PPARA: variants seen among roughly 807,000 people sequenced by gnomAD.
PPARA encodes peroxisome proliferator activated receptor alpha.
Under a neutral mutation model 42.2 loss-of-function variants are expected in PPARA, and 22 were observed. The observed-to-expected ratio is 0.52, with a 90% CI of 0.37 to 0.74. PPARA has a LOEUF of 0.74. Among genes scored for constraint, PPARA ranks in the 30% least tolerant of loss-of-function variants. The pLI is 0.00. For missense variants in PPARA, 465 were observed against 608.2 expected (o/e 0.76, Z 2.48); for synonymous variants, 242 against 239.3 (o/e 1.01, Z -0.10).
rs1022231523 is a variant in PPARA, at chr22:46,239,395, C to G, written c.*4015C>G. The G allele has an allele frequency of 2.6e-5, 4 of 151,728 alleles. No individual in the cohort carries two copies. Among genetic ancestry groups the G allele is most frequent in the Non-Finnish European group, 5.9e-5 (4 of 68,002 alleles). 9.4% of individuals were successfully genotyped at this position (151,728 alleles called of 1,614,324 possible). A position where few individuals can be genotyped will look rare whatever the true frequency, so the allele number is the denominator to read the frequency against. ...GGCCCTGCAAAAGGCCATGCTAGAG[C>G]TGAGGCGCACAGCCTGTGGCCTCTG... On this transcript the variant is annotated 3_prime_UTR_variant, in exon 9 of 9. Transcript: ENST00000407236.
At position 46,162,020 on chromosome 22, in the gene PPARA, C is replaced by T. The variant is rs1400410391; in HGVS notation, c.-127+10050C>T. 1.3e-5 allele frequency among the ~76,000 whole-genome samples: 2 copies of T among 152,154 alleles called. No homozygotes were observed. Among genetic ancestry groups the T allele is most frequent in the Non-Finnish European group, 2.9e-5 (2 of 68,022 alleles). On this transcript the variant is annotated intron_variant, in intron 2 of 8. Transcript: ENST00000407236. This position sits in a 1 kb window ranked among gnomAD's most constrained non-coding sequence, Gnocchi z 6.0. The stretch of plus-strand genomic sequence containing the variant: ...GCGTTTTCCCCTCCCCTCACCCTGG[C>T]GACCCTTTTCGGTCTCAGTTGCCAG...
intron 3 of PPARA, among the ~76,000 whole-genome samples, chr22:46,178,737 C>T (rs1448698878): frequency 1.3e-5 from 2 of 152,070 alleles, no homozygotes; most frequent in Non-Finnish European, 2.9e-5. Context: ...AGGAATGGTG[C>T]CTGATACTCA....
chr22:46,220,644 T>A (rs1218681521), intron 7 of PPARA: 5 of 144,276 alleles, frequency 3.5e-5, no homozygotes, highest in Non-Finnish European at 6.1e-5. Context: ...TAACTGGATT[T>A]AAAAAAAAAA....
At chr22:46,229,101 C>T (rs62226989) in intron 7 of PPARA, among the ~76,000 whole-genome samples, 5,094 of 128,084 alleles carry the variant, frequency 0.04, 141 homozygotes, top group Non-Finnish European at 0.051. Flanking sequence ...AGCGAGACTC[C>T]ATCTCAAAAA....
intron 5 of PPARA, among the ~76,000 whole-genome samples, chr22:46,217,781 C>A (rs976878800): frequency 4.1e-5 from 6 of 147,966 alleles, no homozygotes; most frequent in Non-Finnish European, 5.9e-5. Flanking sequence ...CTGTATTTGT[C>A]CTAATCATTC....
rs1312638073 is a variant in PPARA, at chr22:46,173,208, C to T, written c.-126-3545C>T. On this transcript the variant is annotated intron_variant, in intron 2 of 8. Transcript: ENST00000407236. This position sits in a 1 kb window ranked among gnomAD's most constrained non-coding sequence, Gnocchi z 4.3. ...GTAGATGTTGTGGCTGTTCTTTTCA[C>T]TCTCTTATTTGGGGATTTACAAAAC... Among the ~76,000 whole-genome samples the T allele has an allele frequency of 6.6e-6, 1 of 152,174 alleles. No homozygotes were observed. Among genetic ancestry groups the T allele is most frequent in the African/African-American group, 2.4e-5 (1 of 41,438 alleles).
chr22:46,166,708 C>T (rs1182766973), intron 2 of PPARA, among the ~76,000 whole-genome samples: 1 of 151,446 alleles, frequency 6.6e-6, no homozygotes, highest in Non-Finnish European at 1.5e-5. Context: ...CTGTAATCTA[C>T]AAAACACTGC....
rs971405840 is a variant in PPARA at position 46,216,413 on chromosome 22, A to C, written c.369+1080A>C. On this transcript the variant is annotated intron_variant, in intron 5 of 8. Transcript: ENST00000407236. The surrounding 1 kb of genome is among the most constrained non-coding windows in gnomAD (Gnocchi z 4.5). Reference sequence around the variant, plus strand: ...AAAAAAAAAAGAGAGAAAAGAAAATAAGCCACATTAAGAACATCACTTCAT... The same window carrying C: ...AAAAAAAAAAGAGAGAAAAGAAAATCAGCCACATTAAGAACATCACTTCAT... Among the ~76,000 whole-genome samples, 1 of 152,006 alleles carries C rather than the reference A, an allele frequency of 6.6e-6. No individual in the cohort carries two copies. Among genetic ancestry groups the C allele is most frequent in the African/African-American group, 2.4e-5 (1 of 41,426 alleles).
rs1200674233 is a variant in PPARA at position 46,211,374 on chromosome 22, A to G, written c.209-3799A>G. On this transcript the variant is annotated intron_variant, in intron 4 of 8. Coordinates refer to ENST00000407236, the MANE Select transcript of PPARA (RefSeq NM_005036.6). The surrounding 1 kb of genome is among the most constrained non-coding windows in gnomAD (Gnocchi z 4.1). ...TGTTAACCCACACCCTGTGGGAAAAAAACTCCATCAGCTAGAGCACAGTGT... is the reference window on the plus strand; with the variant it reads ...TGTTAACCCACACCCTGTGGGAAAAGAACTCCATCAGCTAGAGCACAGTGT... Among the ~76,000 whole-genome samples, 1 of 152,096 alleles carries G rather than the reference A, an allele frequency of 6.6e-6. No individual in the cohort carries two copies. The highest frequency in any genetic ancestry group is 2.4e-5 in the African/African-American group (1 of 41,410).
chr22:46,187,727 G>A lies in PPARA; in HGVS notation c.-42-10615G>A, dbSNP rs1931011499. Among the ~76,000 whole-genome samples the A allele has an allele frequency of 6.6e-6, 1 of 152,128 alleles. No individual in the cohort carries two copies. The highest frequency in any genetic ancestry group is 6.5e-5 in the Admixed American group (1 of 15,270). On this transcript the variant is annotated intron_variant, in intron 3 of 8. Coordinates refer to ENST00000407236, the MANE Select transcript of PPARA (RefSeq NM_005036.6). This position sits in a 1 kb window ranked among gnomAD's most constrained non-coding sequence, Gnocchi z 4.9. ...CAATGTGCCATGATTGGCACTGCTG[G>A]CCTCTCCTACCTCTGCAGACTCACC...
At chr22:46,172,612 C>T (rs1369003333) in intron 2 of PPARA, among the ~76,000 whole-genome samples, 2 of 152,180 alleles carry the variant, frequency 1.3e-5, no homozygotes, top group Admixed American at 6.5e-5. Context: ...AGCAAGGCCC[C>T]ATCTCAAAAA....
At position 46,204,510 on chromosome 22, in the gene PPARA, C is replaced by G. The variant is rs1933036069; in HGVS notation, c.208+5919C>G. Among the ~76,000 whole-genome samples the G allele has an allele frequency of 6.6e-6, 1 of 152,140 alleles. No individual in the cohort carries two copies. The highest frequency in any genetic ancestry group is 2.4e-5 in the African/African-American group (1 of 41,424). The stretch of plus-strand genomic sequence containing the variant: ...AGTATATGGGGGAGTTCCAGTTCCT[C>G]CATACCCTCATCAACATGAGGCATG... On this transcript the variant is annotated intron_variant, in intron 4 of 8. Coordinates refer to ENST00000407236, the MANE Select transcript of PPARA (RefSeq NM_005036.6). This position sits in a 1 kb window ranked among gnomAD's most constrained non-coding sequence, Gnocchi z 5.2.
At chr22:46,181,603 G>T (rs1929979973) in intron 3 of PPARA, among the ~76,000 whole-genome samples, 2 of 152,142 alleles carry the variant, frequency 1.3e-5, no homozygotes, top group Non-Finnish European at 2.9e-5. Context: ...CCCAAAGATT[G>T]AGGGTTCTGT....
At chr22:46,228,433 G>A (rs919828376) in intron 7 of PPARA, among the ~76,000 whole-genome samples, 1 of 152,218 alleles carries the variant, frequency 6.6e-6, no homozygotes, top group Non-Finnish European at 1.5e-5. Context: ...CTACTCAGGA[G>A]GCTGAGGCAG....
chr22:46,197,559 A>C (rs1459922556), intron 3 of PPARA, among the ~76,000 whole-genome samples: 1 of 152,186 alleles, frequency 6.6e-6, no homozygotes, highest in Non-Finnish European at 1.5e-5. Context: ...GCTCCTGTGT[A>C]GATGATGAAT....
chr22:46,214,660 G>A (rs1310864575), intron 4 of PPARA, among the ~76,000 whole-genome samples: 1 of 146,886 alleles, frequency 6.8e-6, no homozygotes, highest in Non-Finnish European at 1.5e-5. Context: ...GGGGATCCAC[G>A]GGTCCGGAGA....
intron 3 of PPARA, among the ~76,000 whole-genome samples, chr22:46,186,584 T>C (rs953441173): frequency 1.1e-4 from 17 of 151,994 alleles, no homozygotes; most frequent in African/African-American, 4.1e-4. Context: ...TAACCTAAAT[T>C]TACAGTTATT....
chr22:46,167,380 A>T lies in PPARA; in HGVS notation c.-126-9373A>T, dbSNP rs1295818372. Reference sequence around the variant, plus strand: ...GTAAGAGTTAAAACCATCCAGGTACAGTGGCTCATGCCTGTCATCTTGCAC... The same window carrying T: ...GTAAGAGTTAAAACCATCCAGGTACTGTGGCTCATGCCTGTCATCTTGCAC... On this transcript the variant is annotated intron_variant, in intron 2 of 8. Coordinates refer to ENST00000407236, the MANE Select transcript of PPARA (RefSeq NM_005036.6). This position sits in a 1 kb window ranked among gnomAD's most constrained non-coding sequence, Gnocchi z 4.1. Among the ~76,000 whole-genome samples, 3 of 152,130 alleles carry T rather than the reference A, an allele frequency of 2.0e-5. No homozygotes were observed. The highest frequency in any genetic ancestry group is 6.6e-5 in the Admixed American group (1 of 15,266).
In PPARA at chr22:46,211,597, G is replaced by A. The variant is rs1933939703; in HGVS notation, c.209-3576G>A. 6.6e-6 allele frequency among the ~76,000 whole-genome samples: 1 copy of A among 152,108 alleles called. No homozygotes were observed. The highest frequency in any genetic ancestry group is 1.5e-5 in the Non-Finnish European group (1 of 68,022). On this transcript the variant is annotated intron_variant, in intron 4 of 8. Transcript: ENST00000407236. The surrounding 1 kb of genome is among the most constrained non-coding windows in gnomAD (Gnocchi z 4.1). ...CTCCTAAGTTATTTTTGTTTTATTTGCACACATTAGGTTCAATCTGAACTA... is the reference window on the plus strand; with the variant it reads ...CTCCTAAGTTATTTTTGTTTTATTTACACACATTAGGTTCAATCTGAACTA...
Sources: gnomAD v4.1 joint callset for allele counts (sites outside exome capture counted in the v4.1 genomes callset) on GRCh38, gnomAD v4.1.1 for gene constraint, Gnocchi (gnomAD v3.1) non-coding constraint, MANE v1.5 for transcripts, NCBI Gene and HGNC (gene_info 2026-07-23, HGNC 2026-07-21) for gene names.